The following UBTD1 variants were observed in gnomAD, a reference collection of about 807,000 sequenced individuals.
UBTD1 encodes ubiquitin domain containing 1, also known as ubiquitin domain-containing protein 1.
In UBTD1, 19 loss-of-function variants were observed where a neutral mutation model predicts 21.7. That is an observed-to-expected ratio of 0.87 (90% CI 0.61 to 1.28). The LOEUF (loss-of-function observed/expected upper bound fraction) is 1.28. Among genes scored for constraint, UBTD1 ranks in the 50% most tolerant of loss-of-function variants. The probability of loss-of-function intolerance (pLI) is 0.00; values close to 1 mark genes in which losing one functional copy is unlikely to be tolerated. For missense variants in UBTD1, 282 were observed against 315.1 expected (o/e 0.89, Z 0.80); for synonymous variants, 116 against 135.1 (o/e 0.86, Z 0.98).
intron 1 of UBTD1, among the ~76,000 whole-genome samples, chr10:97,562,928 G>A (rs1292334152): frequency 2.8e-4 from 42 of 152,232 alleles, no homozygotes; most frequent in Non-Finnish European, 1.0e-4. Context: ...TTGGGGGGTG[G>A]TATGGAGAGA....
At chr10:97,562,650 C>T (rs1222837876) in intron 1 of UBTD1, among the ~76,000 whole-genome samples, 3 of 151,732 alleles carry the variant, frequency 2.0e-5, no homozygotes, top group Non-Finnish European at 1.5e-5. Flanking sequence ...ATTGCAAGGG[C>T]GGGGAGGCTG....
At chr10:97,526,065 G>A (rs1192455016) in intron 1 of UBTD1, among the ~76,000 whole-genome samples, 2 of 152,122 alleles carry the variant, frequency 1.3e-5, no homozygotes, top group African/African-American at 4.8e-5. Context: ...CCCTAGGTCA[G>A]CTCCAAAGCA....
chr10:97,528,515 C>A (rs1381478089), intron 1 of UBTD1, among the ~76,000 whole-genome samples: 2 of 87,156 alleles, frequency 2.3e-5, no homozygotes, highest in East Asian at 8.3e-4. Context: ...GGCGGCTGGC[C>A]GGGCAGGGGG....
chr10:97,532,489 T>C (rs76227953), intron 1 of UBTD1, among the ~76,000 whole-genome samples: 1 of 151,968 alleles, frequency 6.6e-6, no homozygotes, highest in Admixed American at 6.6e-5. Context: ...TTACTAAAAA[T>C]ACAAAAAAAT....
intron 2 of UBTD1, 132 bp downstream of exon 2, chr10:97,568,273 C>T (rs1254517209): frequency 1.8e-5 from 16 of 881,442 alleles, no homozygotes; most frequent in Non-Finnish European, 2.8e-5. Flanking sequence ...GCACCCCTTA[C>T]TGAGCATGGA....
Position 97,499,136 on chromosome 10 carries a change from G to A in UBTD1, c.-68G>A, listed in dbSNP as rs576073336. 1.9e-3 allele frequency: 2,770 copies of A among 1,465,978 alleles called. 11 individuals are homozygous for A. The highest frequency in any genetic ancestry group is 6.6e-3 in the Middle Eastern group (27 of 4,084). The allele number at this position is 1,465,978 out of a possible 1,614,324, so 90.8% of individuals were successfully genotyped here. ...GCGGCCGGAGCCATTGACCCGGGAC[G>A]CCGCCGTCCGCTGAGCAGCCGACCA... On this transcript the variant is annotated 5_prime_UTR_variant, in exon 1 of 3. Transcript: ENST00000370664.
At chr10:97,547,389 C>T (rs1263699337) in intron 1 of UBTD1, among the ~76,000 whole-genome samples, 1 of 152,076 alleles carries the variant, frequency 6.6e-6, no homozygotes, top group Non-Finnish European at 1.5e-5. Flanking sequence ...TATTAGCCAC[C>T]ATCCTCCCTC....
intron 1 of UBTD1, among the ~76,000 whole-genome samples, chr10:97,535,020 G>C (rs564416190): frequency 6.6e-6 from 1 of 152,330 alleles, no homozygotes; most frequent in Admixed American, 6.5e-5. Flanking sequence ...TCTTTGCCTG[G>C]AAGAAGAGGG....
At chr10:97,536,490 G>GACCCCTGCCC (rs1349565931) in intron 1 of UBTD1, among the ~76,000 whole-genome samples, 1 of 152,198 alleles carries the variant, frequency 6.6e-6, no homozygotes, top group East Asian at 1.9e-4. Context: ...ATTTTAAAAT[G>GACCCCTGCCC]ACCCCTGCCC....
chr10:97,514,033 G>T (rs1444581945), intron 1 of UBTD1, among the ~76,000 whole-genome samples: 3 of 150,348 alleles, frequency 2.0e-5, no homozygotes, highest in Non-Finnish European at 4.4e-5. Context: ...TTTTTTAAAG[G>T]CATTGAGATC....
chr10:97,566,411 A>C (rs1340151372), intron 1 of UBTD1, among the ~76,000 whole-genome samples: 1 of 152,028 alleles, frequency 6.6e-6, no homozygotes. Context: ...CCCCAGGAAC[A>C]CTTTAAATTA....
chr10:97,552,082 G>C (rs1212623415), intron 1 of UBTD1, among the ~76,000 whole-genome samples: 1 of 151,728 alleles, frequency 6.6e-6, no homozygotes, highest in African/African-American at 2.4e-5. Context: ...CAGCCCTCCT[G>C]TCTTTTTAAT....
intron 1 of UBTD1, among the ~76,000 whole-genome samples, chr10:97,522,220 A>T: frequency 6.6e-6 from 1 of 152,246 alleles, no homozygotes; most frequent in African/African-American, 2.4e-5. Flanking sequence ...GGGTCGTTCC[A>T]CTTAGCACCC....
chr10:97,506,299 T>A (rs2040399374), intron 1 of UBTD1, among the ~76,000 whole-genome samples: 1 of 152,178 alleles, frequency 6.6e-6, no homozygotes, highest in African/African-American at 2.4e-5. Flanking sequence ...ACCCGGTCAG[T>A]TACTGTGCTT....
intron 1 of UBTD1, among the ~76,000 whole-genome samples, chr10:97,564,442 G>A (rs560728823): frequency 6.6e-6 from 1 of 152,270 alleles, no homozygotes; most frequent in Non-Finnish European, 1.5e-5. Context: ...GAAGAGATTA[G>A]CTAAAAATCT....
intron 1 of UBTD1, among the ~76,000 whole-genome samples, chr10:97,522,154 A>G (rs1379533382): frequency 6.6e-6 from 1 of 152,240 alleles, no homozygotes; most frequent in Admixed American, 6.5e-5. Flanking sequence ...GTGTTGTGGC[A>G]GGGCACCAGA....
chr10:97,544,448 T>C (rs1470433930), intron 1 of UBTD1, among the ~76,000 whole-genome samples: 6 of 152,088 alleles, frequency 3.9e-5, no homozygotes, highest in African/African-American at 7.2e-5. Flanking sequence ...AAAATAATAA[T>C]GTTAATAATA....
chr10:97,501,747 A>G (rs962628385), intron 1 of UBTD1, among the ~76,000 whole-genome samples: 4 of 152,128 alleles, frequency 2.6e-5, no homozygotes, highest in African/African-American at 9.7e-5. Flanking sequence ...TAAGACCACC[A>G]GTGTTTGCTC....
At chr10:97,544,045 G>A (rs111361908) in intron 1 of UBTD1, among the ~76,000 whole-genome samples, 2,214 of 152,238 alleles carry the variant, frequency 0.015, 49 homozygotes, top group African/African-American at 0.051. Context: ...ACTTTGAGAA[G>A]CCGAGGCAGG....
Sources: gnomAD v4.1 joint callset for allele counts (sites outside exome capture counted in the v4.1 genomes callset) on GRCh38, gnomAD v4.1.1 for gene constraint, MANE v1.5 for transcripts, NCBI Gene and HGNC (gene_info 2026-07-23, HGNC 2026-07-21) for gene names.